The following MORN5 variants were observed in gnomAD, a reference collection of about 807,000 sequenced individuals.
The protein encoded by MORN5 is MORN repeat containing 5.
In MORN5, 21 loss-of-function variants were observed where a neutral mutation model predicts 22.1. The ratio of observed to expected loss-of-function variants is 0.95; its 90% CI spans 0.67 to 1.37. The LOEUF (loss-of-function observed/expected upper bound fraction) is 1.37, where lower values mean the gene tolerates loss of function less well. Among genes scored for constraint, MORN5 ranks in the 40% most tolerant of loss-of-function variants. The probability of loss-of-function intolerance (pLI) is 0.00; values close to 1 mark genes in which losing one functional copy is unlikely to be tolerated. For missense variants in MORN5, 211 were observed against 215.1 expected, an observed-to-expected ratio of 0.98 and a Z score of 0.12; for synonymous variants, 73 against 74.0, an observed-to-expected ratio of 0.99 and a Z score of 0.07.
At chr9:122,185,561 C>T (rs1219054518) in intron 4 of MORN5, among the ~76,000 whole-genome samples, 1 of 151,246 alleles carries the variant, frequency 6.6e-6, no homozygotes, top group Non-Finnish European at 1.5e-5. Flanking sequence ...GGGGTTTCAC[C>T]GTGTTAGCCA....
chr9:122,184,240 C>T (rs914395887), intron 4 of MORN5, among the ~76,000 whole-genome samples: 1 of 152,320 alleles, frequency 6.6e-6, no homozygotes, highest in Admixed American at 6.5e-5. Flanking sequence ...GGCTCGCCTG[C>T]CTCCCCAGGT....
In MORN5 at chr9:122,199,743, G is replaced by C. The variant is rs964806022; in HGVS notation, c.440-142G>C. The C allele has an allele frequency of 6.6e-6, 5 of 754,410 alleles. No individual in the cohort carries two copies. In the African/African-American group the frequency reaches 6.9e-5, roughly 10 times the overall value. The allele number at this position is 754,410 out of a possible 1,614,324, so 46.7% of individuals were successfully genotyped here. A position where few individuals can be genotyped will look rare whatever the true frequency, so the allele number is the denominator to read the frequency against. On this transcript the variant is annotated intron_variant, in intron 4 of 4. Coordinates refer to ENST00000373764, the MANE Select transcript of MORN5 (RefSeq NM_198469.4). ...CCGAGGAATTCAGTGTAAATGAAAG[G>C]TCTGTTCCTCCCCACACAAAACTAC...
At chr9:122,171,093 C>T (rs1829359165) in intron 3 of MORN5, among the ~76,000 whole-genome samples, 1 of 152,108 alleles carries the variant, frequency 6.6e-6, no homozygotes, top group South Asian at 2.1e-4. Flanking sequence ...TAAAAACAAT[C>T]CCAACTTAGC....
chr9:122,167,199 C>T (rs1455105201), intron 2 of MORN5, among the ~76,000 whole-genome samples: 1 of 151,430 alleles, frequency 6.6e-6, no homozygotes, highest in Non-Finnish European at 1.5e-5. Context: ...GGGCGTGCAC[C>T]ACCATGCCCA....
intron 1 of MORN5, among the ~76,000 whole-genome samples, chr9:122,164,173 A>G (rs960794816): frequency 3.9e-5 from 6 of 152,056 alleles, no homozygotes; most frequent in Admixed American, 3.9e-4. Flanking sequence ...TTCACCTTGA[A>G]TGAATTTTTT....
At chr9:122,181,471 C>T (rs1469173638) in intron 4 of MORN5, among the ~76,000 whole-genome samples, 3 of 152,214 alleles carry the variant, frequency 2.0e-5, no homozygotes, top group South Asian at 2.1e-4. Flanking sequence ...GTGGTCTCTC[C>T]GCTACCCTCT....
intron 1 of MORN5, among the ~76,000 whole-genome samples, chr9:122,163,750 C>T (rs1471209838): frequency 6.6e-6 from 1 of 152,144 alleles, no homozygotes; most frequent in Non-Finnish European, 1.5e-5. Flanking sequence ...GTGGAGGAAC[C>T]ACTGATAGAT....
intron 4 of MORN5, among the ~76,000 whole-genome samples, chr9:122,177,379 C>T (rs1396350836): frequency 6.6e-6 from 1 of 152,234 alleles, no homozygotes; most frequent in Non-Finnish European, 1.5e-5. Flanking sequence ...GTTCCAGTCC[C>T]ACCATTGCCA....
chr9:122,186,124 G>A (rs987457701), intron 4 of MORN5, among the ~76,000 whole-genome samples: 4 of 152,224 alleles, frequency 2.6e-5, no homozygotes, highest in Non-Finnish European at 5.9e-5. Flanking sequence ...GCCAGCAGAC[G>A]CGCATTTGCT....
intron 4 of MORN5, among the ~76,000 whole-genome samples, chr9:122,187,825 A>T (rs1395669086): frequency 6.6e-6 from 1 of 152,248 alleles, no homozygotes. Context: ...CTACATTCAC[A>T]GTGTGCTACA....
chr9:122,182,570 G>T (rs936047553), intron 4 of MORN5, among the ~76,000 whole-genome samples: 8 of 152,202 alleles, frequency 5.3e-5, no homozygotes, highest in African/African-American at 1.9e-4. Context: ...GGTCAACATG[G>T]TGAAACCCTG....
At chr9:122,186,972 C>T (rs1017628338) in intron 4 of MORN5, among the ~76,000 whole-genome samples, 1 of 152,206 alleles carries the variant, frequency 6.6e-6, no homozygotes, top group African/African-American at 2.4e-5. Flanking sequence ...CCCAACTCTG[C>T]CACTCACCAG....
Position 122,198,779 on chromosome 9 carries a change from G to A in MORN5, c.440-1106G>A, listed in dbSNP as rs371559118. ...ACCGGCATGGAGAGGAAAATGTGAC[G>A]GAAGCCAAGCATGGAATATTAGGCA... is the stretch of plus-strand genomic sequence containing the variant. On this transcript the variant is annotated intron_variant, in intron 4 of 4. Transcript: ENST00000373764. Among the ~76,000 whole-genome samples the A allele has an allele frequency of 5.6e-4, 85 of 152,282 alleles. 1 individual carries two copies. In the Middle Eastern group the frequency reaches 0.01, roughly 18 times the overall value.
chr9:122,200,004 A>G lies in MORN5; in HGVS notation c.*73A>G, dbSNP rs372848174. ...TCCACCAGAGGTTTCCATCTGCCCT[A>G]CTAGCATTGGCTGCCCTGGGGGACG... On this transcript the variant is annotated 3_prime_UTR_variant, in exon 5 of 5. Coordinates refer to ENST00000373764, the MANE Select transcript of MORN5 (RefSeq NM_198469.4). The G allele has an allele frequency of 6.7e-7, 1 of 1,492,670 alleles. No individual in the cohort carries two copies. Among genetic ancestry groups the G allele is most frequent in the South Asian group, 1.1e-5 (1 of 88,468 alleles). 92.5% of individuals were successfully genotyped at this position (1,492,670 alleles called of 1,614,324 possible).
intron 4 of MORN5, among the ~76,000 whole-genome samples, chr9:122,179,889 A>T (rs976580078): frequency 6.6e-6 from 1 of 152,216 alleles, no homozygotes; most frequent in African/African-American, 2.4e-5. Context: ...CTGAAGGCGC[A>T]GGCTGCTGGG....
chr9:122,184,759 T>C (rs1488568644), intron 4 of MORN5, among the ~76,000 whole-genome samples: 1 of 152,182 alleles, frequency 6.6e-6, no homozygotes, highest in Non-Finnish European at 1.5e-5. Flanking sequence ...TTACAGATGA[T>C]GAAACTGAGG....
chr9:122,163,562 G>C (rs1829232788), intron 1 of MORN5, among the ~76,000 whole-genome samples: 1 of 152,226 alleles, frequency 6.6e-6, no homozygotes, highest in Non-Finnish European at 1.5e-5. Flanking sequence ...TCTTTTTCTA[G>C]AAGTTTTTAG....
chr9:122,171,335 G>A (rs1296775351), intron 3 of MORN5, among the ~76,000 whole-genome samples: 3 of 152,116 alleles, frequency 2.0e-5, no homozygotes, highest in African/African-American at 7.2e-5. Flanking sequence ...CGGGTGAGCC[G>A]CCTTCTCTCC....
At chr9:122,172,203 C>G (rs959487082) in intron 3 of MORN5, among the ~76,000 whole-genome samples, 1 of 151,394 alleles carries the variant, frequency 6.6e-6, no homozygotes, top group Admixed American at 6.6e-5. Context: ...AACTCCTGGC[C>G]TCAAGCAACC....
Sources: gnomAD v4.1 joint callset for allele counts (sites outside exome capture counted in the v4.1 genomes callset) on GRCh38, gnomAD v4.1.1 for gene constraint, MANE v1.5 for transcripts, NCBI Gene and HGNC (gene_info 2026-07-23, HGNC 2026-07-21) for gene names.